Variants in PHLDB2 observed in about 807,000 individuals in gnomAD.
The protein encoded by PHLDB2 is pleckstrin homology-like domain family B member 2.
A neutral mutation model predicts 123.6 loss-of-function variants in PHLDB2; 71 were observed. The ratio of observed to expected loss-of-function variants is 0.57; its 90% CI spans 0.47 to 0.70. The LOEUF is 0.70. Ranked by LOEUF, PHLDB2 falls within the 30% of genes least tolerant of loss-of-function variation. The pLI is 0.00. For synonymous variants in PHLDB2, 547 were observed against 541.6 expected, an observed-to-expected ratio of 1.01 and a Z score of -0.14; for missense variants, 1,446 against 1,519.5, an observed-to-expected ratio of 0.95 and a Z score of 0.80.
intron 1 of PHLDB2, among the ~76,000 whole-genome samples, chr3:111,870,023 T>C (rs916872844): frequency 3.9e-5 from 6 of 152,176 alleles, no homozygotes; most frequent in Non-Finnish European, 8.8e-5. Flanking sequence ...AACAGAACAA[T>C]AAGGAGACTA....
At chr3:111,912,672 C>A (rs565868819) in intron 2 of PHLDB2, among the ~76,000 whole-genome samples, 7 of 152,202 alleles carry the variant, frequency 4.6e-5, no homozygotes, top group South Asian at 4.2e-4. Context: ...GTGTGTCTAG[C>A]ACATAGTCTA....
chr3:111,911,383 A>G (rs2067872084), intron 2 of PHLDB2, among the ~76,000 whole-genome samples: 1 of 152,242 alleles, frequency 6.6e-6, no homozygotes, highest in Non-Finnish European at 1.5e-5. Flanking sequence ...TATAGATGCT[A>G]TTGAGAAGTA....
intron 1 of PHLDB2, among the ~76,000 whole-genome samples, chr3:111,792,550 T>A (rs1335003542): frequency 2.0e-5 from 3 of 151,914 alleles, no homozygotes; most frequent in East Asian, 3.9e-4. Flanking sequence ...CTACAAAAAA[T>A]TTTAAAATTC....
chr3:111,815,619 C>T (rs1327696894), intron 1 of PHLDB2, among the ~76,000 whole-genome samples: 1 of 152,128 alleles, frequency 6.6e-6, no homozygotes, highest in Non-Finnish European at 1.5e-5. Context: ...AATTTCTAAG[C>T]AGCAAAGCAT....
At chr3:111,745,932 AC>A (rs781427106) in intron 1 of PHLDB2, among the ~76,000 whole-genome samples, 19 of 152,150 alleles carry the variant, frequency 1.2e-4, no homozygotes, top group Non-Finnish European at 2.4e-4. Context: ...TCACCTGAGT[AC>A]CTCCAAACCT....
At chr3:111,743,604 AT>A (rs1333904762) in intron 1 of PHLDB2, among the ~76,000 whole-genome samples, 1 of 152,186 alleles carries the variant, frequency 6.6e-6, no homozygotes, top group Admixed American at 6.6e-5. Flanking sequence ...AAGAATAAAC[AT>A]GACCAACCCA....
At chr3:111,918,832 G>T (rs992961501) in intron 3 of PHLDB2, among the ~76,000 whole-genome samples, 1 of 152,140 alleles carries the variant, frequency 6.6e-6, no homozygotes, top group South Asian at 2.1e-4. Context: ...GCTTCAAAAG[G>T]ATATGAATTG....
At chr3:111,840,731 C>G (rs948521513) in intron 1 of PHLDB2, among the ~76,000 whole-genome samples, 1 of 152,126 alleles carries the variant, frequency 6.6e-6, no homozygotes, top group Non-Finnish European at 1.5e-5. Context: ...ATTTTCTTGC[C>G]TATCAATTAG....
chr3:111,885,334 T>A lies in PHLDB2; in HGVS notation c.1257T>A (p.Ile419=). ...AACGGAAAAGCAGTATTAGCTCCAT[T>A]TCAGGACGTGATGACCTGATGGATT... ...LRERKSSISS[I]SGRDDLMDYH... is the part of the protein sequence containing the mutation. The change falls in exon 2 of 18, where the codon ATT becomes ATA. Residue 419 remains isoleucine (I), a synonymous_variant. Transcript: ENST00000431670. 1 of 1,614,150 alleles carries A rather than the reference T, an allele frequency of 6.2e-7. No individual in the cohort carries two copies. The highest frequency in any genetic ancestry group is 8.5e-7 in the Non-Finnish European group (1 of 1,180,032).
intron 1 of PHLDB2, among the ~76,000 whole-genome samples, chr3:111,841,160 C>T (rs1051839356): frequency 6.6e-6 from 1 of 152,118 alleles, no homozygotes; most frequent in Non-Finnish European, 1.5e-5. Flanking sequence ...AGTGCAATGG[C>T]GTGATCTTGG....
At chr3:111,831,154 G>A (rs1158750607) in intron 1 of PHLDB2, among the ~76,000 whole-genome samples, 1 of 152,016 alleles carries the variant, frequency 6.6e-6, no homozygotes, top group African/African-American at 2.4e-5. Flanking sequence ...CAGGAGATAC[G>A]ATAAATAAAA....
chr3:111,873,500 T>A (rs1412889672), intron 1 of PHLDB2, among the ~76,000 whole-genome samples: 2 of 152,348 alleles, frequency 1.3e-5, no homozygotes, highest in African/African-American at 4.8e-5. Flanking sequence ...TGTCTTATAC[T>A]GCTGAGTCAA....
chr3:111,855,629 C>CTTTTTTTT (rs11368889), upstream of PHLDB2, among the ~76,000 whole-genome samples: 119 of 79,766 alleles, frequency 1.5e-3, no homozygotes, highest in Middle Eastern at 0.014. Context: ...CTGCATTTGT[C>CTTTTTTTT]TTTTTTTTTT....
intron 1 of PHLDB2, among the ~76,000 whole-genome samples, chr3:111,845,158 G>A (rs977284245): frequency 1.3e-5 from 2 of 151,870 alleles, no homozygotes; most frequent in Non-Finnish European, 1.5e-5. Flanking sequence ...TTCGAGACCA[G>A]CCTGGCCAAT....
intron 2 of PHLDB2, among the ~76,000 whole-genome samples, chr3:111,895,877 T>C (rs368168229): frequency 3.2e-5 from 4 of 125,636 alleles, no homozygotes; most frequent in African/African-American, 9.3e-5. Flanking sequence ...TCTATCCATC[T>C]ATCTATCTAT....
At chr3:111,781,863 C>G (rs2060488895) in intron 1 of PHLDB2, among the ~76,000 whole-genome samples, 1 of 152,030 alleles carries the variant, frequency 6.6e-6, no homozygotes, top group African/African-American at 2.4e-5. Flanking sequence ...TTCCTATACT[C>G]CCTTTAGTGC....
chr3:111,853,395 AC>A (rs2064345183), intron 2 of PHLDB2, among the ~76,000 whole-genome samples: 1 of 152,240 alleles, frequency 6.6e-6, no homozygotes, highest in Non-Finnish European at 1.5e-5. Context: ...TTATCTAAGT[AC>A]TAAAAAGAGT....
At chr3:111,734,036 G>A (rs17424287) in intron 1 of PHLDB2, among the ~76,000 whole-genome samples, 7,487 of 152,282 alleles carry the variant, frequency 0.049, 259 homozygotes, top group Middle Eastern at 0.075. Context: ...AATATTTAGT[G>A]TCTGAGGCAG....
At chr3:111,828,049 T>C (rs1475551829) in intron 1 of PHLDB2, among the ~76,000 whole-genome samples, 1 of 152,250 alleles carries the variant, frequency 6.6e-6, no homozygotes, top group Non-Finnish European at 1.5e-5. Context: ...CTATTCACAG[T>C]GCACCTCCCC....
Sources: allele counts gnomAD v4.1 joint callset (sites outside exome capture counted in the v4.1 genomes callset), GRCh38; gene constraint gnomAD v4.1.1; transcripts MANE v1.5; gene names NCBI Gene and HGNC (gene_info 2026-07-23, HGNC 2026-07-21).